The following CTCFL variants were observed in gnomAD, a reference collection of about 807,000 sequenced individuals.
The protein encoded by CTCFL is transcriptional repressor CTCFL.
CTCFL carries 36 observed loss-of-function variants against 67.4 expected under a neutral mutation model. The ratio of observed to expected loss-of-function variants is 0.53; its 90% CI spans 0.41 to 0.71. The LOEUF (loss-of-function observed/expected upper bound fraction) is 0.71. Ranked by LOEUF, CTCFL falls within the 30% of genes least tolerant of loss-of-function variation. The pLI is 0.00. For missense variants in CTCFL, 786 were observed against 835.2 expected (o/e 0.94, Z 0.73); for synonymous variants, 324 against 302.3 (o/e 1.07, Z -0.75).
At position 57,519,299 on chromosome 20, in the gene CTCFL, G is replaced by C. The variant is rs957168849; in HGVS notation, c.833C>G (p.Thr278Ser). 6.2e-7 allele frequency: 1 copy of C among 1,614,126 alleles called. No individual in the cohort carries two copies. Among genetic ancestry groups the C allele is most frequent in the African/African-American group, 1.3e-5 (1 of 75,040 alleles). ...CAGGTGAGGCTTCTCACTGGTGTGA[G>C]TTTTCATATGACGATTAAAACTTGA... The part of the protein sequence containing the change: ...RMSSFNRHMK[T>S]HTSEKPHLCH... Residue 278 changes from threonine (T) to serine (S), a missense_variant, in exon 4 of 11, where the codon ACT (threonine) becomes AGT (serine). Transcript: ENST00000243914.
intron 10 of CTCFL, 39 bp from the exon 11 acceptor site, chr20:57,498,740 G>A (rs781174999): frequency 1.5e-4 from 240 of 1,567,296 alleles, no homozygotes; most frequent in Non-Finnish European, 2.0e-4. Context: ...TTATCAGAAA[G>A]CTAAGGAATT....
At chr20:57,496,373 C>A, downstream of CTCFL, 1 of 593,400 alleles carries the variant, frequency 1.7e-6, no homozygotes, top group South Asian at 2.0e-5. Flanking sequence ...AACTATGAGT[C>A]AATTAAAACT....
intron 3 of CTCFL, 28 bp downstream of exon 3, chr20:57,523,040 G>C (rs144197186): frequency 6.3e-7 from 1 of 1,576,604 alleles, no homozygotes; most frequent in Admixed American, 1.7e-5. Context: ...GTTTTAGGGA[G>C]TGTATTCTAT....
At chr20:57,504,000 G>T (rs2068052176) in intron 9 of CTCFL, among the ~76,000 whole-genome samples, 1 of 152,072 alleles carries the variant, frequency 6.6e-6, no homozygotes, top group Non-Finnish European at 1.5e-5. Context: ...CTACACTCAG[G>T]ATGTTTGGGG....
At chr20:57,498,995 AT>A (rs2067779373) in intron 10 of CTCFL, among the ~76,000 whole-genome samples, 5 of 143,992 alleles carry the variant, frequency 3.5e-5, no homozygotes, top group Non-Finnish European at 6.0e-5. Flanking sequence ...CTACCACTAG[AT>A]GCCAGTAGCA....
At chr20:57,517,503 C>T (rs1411228902) in intron 5 of CTCFL, among the ~76,000 whole-genome samples, 1 of 152,088 alleles carries the variant, frequency 6.6e-6, no homozygotes, top group Middle Eastern at 3.2e-3. Flanking sequence ...GTTTTGAACT[C>T]CTGACCTCAA....
At chr20:57,502,785 G>A (rs1039260025) in intron 10 of CTCFL, among the ~76,000 whole-genome samples, 1 of 152,200 alleles carries the variant, frequency 6.6e-6, no homozygotes, top group African/African-American at 2.4e-5. Context: ...GATGGCTGTG[G>A]GGGCTGAATG....
At chr20:57,522,974 C>A in intron 3 of CTCFL, 94 bp downstream of exon 3, 1 of 967,446 alleles carries the variant, frequency 1.0e-6, no homozygotes, top group South Asian at 1.6e-5. Flanking sequence ...AAGTAAAAGT[C>A]AACCACTTAA....
intron 7 of CTCFL, chr20:57,513,533 G>A: frequency 9.3e-7 from 1 of 1,075,232 alleles, no homozygotes; most frequent in South Asian, 2.6e-5. Flanking sequence ...ATCACCCACT[G>A]GCATGAGATG....
intron 10 of CTCFL, among the ~76,000 whole-genome samples, chr20:57,502,178 G>A (rs1381128680): frequency 6.6e-6 from 1 of 152,194 alleles, no homozygotes; most frequent in Admixed American, 6.5e-5. Context: ...GGCAGGCCGG[G>A]GGCACACCCA....
Position 57,523,277 on chromosome 20 carries a change from A to G in CTCFL, c.545T>C (p.Leu182Pro). The G allele has an allele frequency of 6.2e-7, 1 of 1,612,310 alleles. No individual in the cohort carries two copies. The highest frequency in any genetic ancestry group is 2.2e-5 in the East Asian group (1 of 44,850). Residue 182 changes from leucine (L) to proline (P), a missense_variant and splice_region_variant, in exon 3 of 11, where the codon CTC (leucine) becomes CCC (proline). By Grantham distance (98) the Leu-to-Pro change is moderately conservative (BLOSUM62 -3). Coordinates refer to ENST00000243914, the MANE Select transcript of CTCFL (RefSeq NM_001386993.1). ...SLAETTGLIKLEEEQEKNQLL... is the reference protein window; with the variant it reads ...SLAETTGLIKPEEEQEKNQLL... ...CTGGTTCTTCTCCTGCTCTTCCTCG[A>G]GCTAATAAACAACAAATATTCAAAT...
chr20:57,506,912 T>C, intron 9 of CTCFL: 1 of 985,424 alleles, frequency 1.0e-6, no homozygotes, highest in Non-Finnish European at 1.2e-6. Flanking sequence ...AGGGTTGACA[T>C]TCCAGAACTA....
chr20:57,496,355 G>T, downstream of CTCFL: 1 of 648,408 alleles, frequency 1.5e-6, no homozygotes, highest in Non-Finnish European at 2.8e-6. Flanking sequence ...TTCCTGTACA[G>T]CCTGCGGAAC....
At chr20:57,508,926 T>C in intron 8 of CTCFL, 138 bp from the exon 9 acceptor site, 1 of 787,522 alleles carries the variant, frequency 1.3e-6, no homozygotes, top group South Asian at 1.9e-5. Context: ...GCAAACACAT[T>C]CTGAACAAGG....
In CTCFL at chr20:57,512,696, A is replaced by G; in HGVS notation, c.1387T>C (p.Cys463Arg). ...YSAAELKCRY[C>R]SAVFHERYAL... ...TAGCGTTCATGGAAGACAGCAGAAC[A>G]GTAGCGGCATTTCAGCTCTGCAGCG... The change falls in exon 8 of 11, where the codon TGT becomes CGT. Residue 463 changes from cysteine (C) to arginine (R), a missense_variant. Physicochemically the swap from Cys to Arg is radical, Grantham distance 180. Transcript: ENST00000243914. 1 of 1,614,234 alleles carries G rather than the reference A, an allele frequency of 6.2e-7. No individual in the cohort carries two copies. Among genetic ancestry groups the G allele is most frequent in the Non-Finnish European group, 8.5e-7 (1 of 1,180,014 alleles).
intron 5 of CTCFL, 170 bp downstream of exon 5, chr20:57,518,588 T>A: frequency 1.3e-6 from 2 of 1,487,626 alleles, no homozygotes; most frequent in Non-Finnish European, 1.8e-6. Context: ...GAAATCCAAT[T>A]TTCTATTTTA....
At chr20:57,496,235 C>G (rs540094585), downstream of CTCFL, 66 of 640,210 alleles carry the variant, frequency 1.0e-4, no homozygotes, top group Admixed American at 1.2e-3. Context: ...GCCTCCCCCT[C>G]TCTCGCTCCT....
chr20:57,498,216 T>G lies in CTCFL; in HGVS notation c.*334A>C. Reference sequence around the variant, plus strand: ...TGTGGGCCACCTTGCCAATATCAAGTGAATGAATCCATAGGTTTGAGGTGT... The same window carrying G: ...TGTGGGCCACCTTGCCAATATCAAGGGAATGAATCCATAGGTTTGAGGTGT... On this transcript the variant is annotated 3_prime_UTR_variant, in exon 11 of 11. Transcript: ENST00000243914. The G allele has an allele frequency of 9.9e-7, 1 of 1,008,158 alleles. No individual in the cohort carries two copies. 62.5% of individuals were successfully genotyped at this position (1,008,158 alleles called of 1,614,324 possible). A position where few individuals can be genotyped will look rare whatever the true frequency, so the allele number is the denominator to read the frequency against.
At position 57,500,140 on chromosome 20, in the gene CTCFL, G is replaced by T. The variant is rs926676102; in HGVS notation, c.1841-1439C>A. 4.1e-6 allele frequency: 4 copies of T among 968,738 alleles called. No individual in the cohort carries two copies. In the African/African-American group the frequency reaches 7.9e-5, roughly 19 times the overall value. 60.0% of individuals were successfully genotyped at this position (968,738 alleles called of 1,614,324 possible). On this transcript the variant is annotated intron_variant, in intron 10 of 10. Transcript: ENST00000243914. ...GGGAGACAAGAAGACCCAGTTCTTG[G>T]ATATGAAAAGAAACACTGAGATCCA...
Sources: gnomAD v4.1 joint callset for allele counts (sites outside exome capture counted in the v4.1 genomes callset) on GRCh38, gnomAD v4.1.1 for gene constraint, MANE v1.5 for transcripts, NCBI Gene and HGNC (gene_info 2026-07-23, HGNC 2026-07-21) for gene names.